OR3A2: variants seen among roughly 807,000 people sequenced by gnomAD.
The protein encoded by OR3A2 is olfactory receptor 3A2.
For missense variants in OR3A2, 318 were observed against 392.8 expected, an observed-to-expected ratio of 0.81 and a Z score of 1.61; for synonymous variants, 126 against 159.3, an observed-to-expected ratio of 0.79 and a Z score of 1.57.
intron 1 of OR3A2, among the ~76,000 whole-genome samples, chr17:3,280,428 C>G (rs891641111): frequency 6.6e-6 from 1 of 151,768 alleles, no homozygotes; most frequent in Non-Finnish European, 1.5e-5. Context: ...CCCACCACCA[C>G]GCCCGGCTAA....
chr17:3,323,913 A>G (rs961536685), intron 3 of OR3A2, among the ~76,000 whole-genome samples: 1 of 152,066 alleles, frequency 6.6e-6, no homozygotes, highest in African/African-American at 2.4e-5. Flanking sequence ...CTGCCTTGCT[A>G]GATGGGGGAA....
chr17:3,342,908 C>T (rs576594278), intron 2 of OR3A2, among the ~76,000 whole-genome samples: 5 of 152,276 alleles, frequency 3.3e-5, no homozygotes, highest in East Asian at 1.9e-4. Context: ...CAGAGGCAGG[C>T]GGGCCTCGTT....
intron 3 of OR3A2, among the ~76,000 whole-genome samples, chr17:3,323,497 G>A (rs761545350): frequency 2.2e-4 from 34 of 151,158 alleles, no homozygotes; most frequent in Admixed American, 5.9e-4. Flanking sequence ...GGCTGGTACC[G>A]GTTGTTCCTT....
chr17:3,302,275 C>T (rs112293967), intron 3 of OR3A2, among the ~76,000 whole-genome samples: 1,726 of 152,206 alleles, frequency 0.011, 36 homozygotes, highest in African/African-American at 0.039. Flanking sequence ...AAAAAGAGCG[C>T]ACATTGCCAA....
intron 3 of OR3A2, among the ~76,000 whole-genome samples, chr17:3,321,395 G>A (rs1056916972): frequency 3.3e-5 from 5 of 152,118 alleles, no homozygotes; most frequent in Middle Eastern, 3.4e-3. Context: ...TGATTGCCCT[G>A]GCCAGAACTT....
At chr17:3,349,670 C>A (rs949140593) in intron 2 of OR3A2, among the ~76,000 whole-genome samples, 1 of 151,632 alleles carries the variant, frequency 6.6e-6, no homozygotes, top group Non-Finnish European at 1.5e-5. Context: ...CTCAGCTCTG[C>A]ACCAAGCAGA....
rs2049043877 is a variant in OR3A2 at position 3,311,457 on chromosome 17, C to T, written c.-85+24576G>A. 2.2e-6 allele frequency: 1 copy of T among 457,870 alleles called. No individual in the cohort carries two copies. The highest frequency in any genetic ancestry group is 2.0e-5 in the African/African-American group (1 of 49,744). The allele number at this position is 457,870 out of a possible 1,614,324, so 28.4% of individuals were successfully genotyped here. ...GAATTTGCTGCACTGTCTCCTTCATCAATGCTCTGACTCACACAGTGGCTG... is the reference window on the plus strand; with the variant it reads ...GAATTTGCTGCACTGTCTCCTTCATTAATGCTCTGACTCACACAGTGGCTG... On this transcript the variant is annotated intron_variant, in intron 3 of 4. Transcript: ENST00000573491. The surrounding 1 kb of genome is among the most constrained non-coding windows in gnomAD (Gnocchi z 4.6).
chr17:3,323,486 T>G (rs915188337), intron 3 of OR3A2, among the ~76,000 whole-genome samples: 2 of 152,104 alleles, frequency 1.3e-5, no homozygotes, highest in Non-Finnish European at 2.9e-5. Context: ...GTTTTTGCAG[T>G]GGCTGGTACC....
chr17:3,370,438 ATGGTC>A (rs1359648320), intron 2 of OR3A2, among the ~76,000 whole-genome samples: 6 of 152,144 alleles, frequency 3.9e-5, no homozygotes, highest in African/African-American at 1.4e-4. Flanking sequence ...AATCTCAAGA[ATGGTC>A]TATCAATTTC....
chr17:3,287,502 A>G (rs1487292091), upstream of OR3A2, among the ~76,000 whole-genome samples: 3 of 152,200 alleles, frequency 2.0e-5, no homozygotes, highest in Non-Finnish European at 4.4e-5. Flanking sequence ...AATTTGGGGT[A>G]ATTATAACAG....
chr17:3,297,756 T>G lies in OR3A2; in HGVS notation c.-84-18603A>C, dbSNP rs142891069. On this transcript the variant is annotated intron_variant, in intron 3 of 4. Coordinates refer to the OR3A2 transcript ENST00000573491. Reference sequence around the variant, plus strand: ...TTCTGAAATAAATAAATAAATGAACTTTGAAAGTATGACCGTAAGAGCAAC... The same window carrying G: ...TTCTGAAATAAATAAATAAATGAACGTTGAAAGTATGACCGTAAGAGCAAC... Among the ~76,000 whole-genome samples the G allele has an allele frequency of 3.8e-3, 566 of 147,930 alleles. 26 individuals are homozygous for G. The highest frequency in any genetic ancestry group is 0.014 in the African/African-American group (542 of 37,482).
intron 2 of OR3A2, among the ~76,000 whole-genome samples, chr17:3,382,831 C>T (rs966764805): frequency 1.3e-5 from 2 of 152,248 alleles, no homozygotes; most frequent in African/African-American, 2.4e-5. Context: ...GAGGAAACCA[C>T]TCCCACTTTG....
At chr17:3,278,226 A>C in exon 2 of OR3A2, 1 of 1,614,182 alleles carries the variant, frequency 6.2e-7, no homozygotes, top group Non-Finnish European at 8.5e-7. Context: ...CACTGAACGG[A>C]TTCGTAGAAC....
rs376699863 is a variant in OR3A2, at chr17:3,332,668, G to A, written c.-85+3365C>T. 4.5e-4 allele frequency among the ~76,000 whole-genome samples: 68 copies of A among 152,300 alleles called. 1 individual carries two copies. The South Asian group carries it at 9.7e-3, about 22-fold the overall frequency. The stretch of plus-strand genomic sequence containing the variant: ...GCAGAAATCACCCGTCTTCTGCGTC[G>A]CTCACGCTGGGAGCTGTAGACCAGA... On this transcript the variant is annotated intron_variant, in intron 3 of 4. Coordinates refer to the OR3A2 transcript ENST00000573491.
At chr17:3,373,211 T>C (rs926433980) in intron 2 of OR3A2, among the ~76,000 whole-genome samples, 8 of 152,242 alleles carry the variant, frequency 5.3e-5, no homozygotes, top group African/African-American at 1.9e-4. Flanking sequence ...TTTTGTGGCC[T>C]ATCATGTGGT....
intron 3 of OR3A2, among the ~76,000 whole-genome samples, chr17:3,323,755 G>T (rs2049146517): frequency 6.6e-6 from 1 of 152,006 alleles, no homozygotes; most frequent in Non-Finnish European, 1.5e-5. Context: ...TTCCCTTTGT[G>T]GGTAACCCGA....
chr17:3,320,772 G>T (rs1297958401), intron 3 of OR3A2, among the ~76,000 whole-genome samples: 7 of 152,036 alleles, frequency 4.6e-5, no homozygotes, highest in African/African-American at 1.7e-4. Flanking sequence ...TGCTGTTTTG[G>T]TTACTGTAGC....
intron 3 of OR3A2, among the ~76,000 whole-genome samples, chr17:3,335,238 A>G (rs928177272): frequency 6.6e-6 from 1 of 152,092 alleles, no homozygotes; most frequent in African/African-American, 2.4e-5. Flanking sequence ...TTCTGCAAAT[A>G]TTTCTCCAAG....
chr17:3,378,170 T>A (rs230404), intron 2 of OR3A2, among the ~76,000 whole-genome samples: 89,343 of 152,086 alleles, frequency 0.59, 27,231 homozygotes, highest in African/African-American at 0.73. Context: ...GTCTGCCTTT[T>A]ACATGCTGTC....
Sources: allele counts gnomAD v4.1 joint callset (sites outside exome capture counted in the v4.1 genomes callset), GRCh38; gene constraint gnomAD v4.1.1; non-coding constraint Gnocchi (gnomAD v3.1); transcripts MANE v1.5; gene names NCBI Gene and HGNC (gene_info 2026-07-23, HGNC 2026-07-21).